Variants in THSD7A observed in about 807,000 individuals in gnomAD.
THSD7A encodes thrombospondin type-1 domain-containing protein 7A.
THSD7A carries 96 observed loss-of-function variants against 231.3 expected under a neutral mutation model. That is an observed-to-expected ratio of 0.41 (90% CI 0.35 to 0.49). The LOEUF is 0.49. Ranked by LOEUF, THSD7A falls within the 20% of genes least tolerant of loss-of-function variation. The pLI is 0.05. For missense variants in THSD7A, 2,290 were observed against 2,070.2 expected (o/e 1.11, Z -2.06); for synonymous variants, 940 against 743.3 (o/e 1.26, Z -4.30).
intron 6 of THSD7A, among the ~76,000 whole-genome samples, chr7:11,483,493 A>T (rs1210051294): frequency 6.6e-6 from 1 of 152,184 alleles, no homozygotes; most frequent in African/African-American, 2.4e-5. Flanking sequence ...GAGCTCTCAA[A>T]TTTTGTTTTT....
chr7:11,742,896 G>T (rs1013975879), intron 1 of THSD7A, among the ~76,000 whole-genome samples: 32 of 151,734 alleles, frequency 2.1e-4, no homozygotes, highest in African/African-American at 7.0e-4. Flanking sequence ...TGTTCATTGA[G>T]GTTTACAATA....
chr7:11,606,844 A>C (rs1780749300), intron 2 of THSD7A, among the ~76,000 whole-genome samples: 1 of 152,070 alleles, frequency 6.6e-6, no homozygotes, highest in South Asian at 2.1e-4. Flanking sequence ...GATTTATTTA[A>C]TTAGATAATT....
At chr7:11,547,897 A>G (rs1789464483) in intron 4 of THSD7A, among the ~76,000 whole-genome samples, 1 of 152,186 alleles carries the variant, frequency 6.6e-6, no homozygotes, top group South Asian at 2.1e-4. Context: ...AAATGCTCAC[A>G]TCAAAAAATT....
chr7:11,501,676 G>A (rs1415182491), intron 6 of THSD7A, among the ~76,000 whole-genome samples: 1 of 152,132 alleles, frequency 6.6e-6, no homozygotes, highest in Non-Finnish European at 1.5e-5. Context: ...ACATCAAAAA[G>A]TTAGGAAGAA....
intron 13 of THSD7A, among the ~76,000 whole-genome samples, chr7:11,443,390 CTT>C (rs1317371495): frequency 1.3e-5 from 2 of 151,932 alleles, no homozygotes; most frequent in Admixed American, 6.6e-5. Context: ...ATTTATAACA[CTT>C]ATGTTATTTC....
intron 1 of THSD7A, among the ~76,000 whole-genome samples, chr7:11,680,644 C>A (rs1035779703): frequency 6.6e-6 from 1 of 152,132 alleles, no homozygotes; most frequent in African/African-American, 2.4e-5. Context: ...ATCAAAATCA[C>A]AATGAGATAC....
intron 1 of THSD7A, among the ~76,000 whole-genome samples, chr7:11,717,141 G>C (rs1256925199): frequency 6.7e-6 from 1 of 149,058 alleles, no homozygotes. Flanking sequence ...TTGACTTTAT[G>C]TACTGAGATC....
chr7:11,469,386 A>G (rs534873422), intron 9 of THSD7A, among the ~76,000 whole-genome samples: 1 of 152,290 alleles, frequency 6.6e-6, no homozygotes, highest in East Asian at 1.9e-4. Flanking sequence ...AAATATTCAT[A>G]AATTCCTCAT....
intron 1 of THSD7A, among the ~76,000 whole-genome samples, chr7:11,801,178 G>A (rs1412193494): frequency 6.6e-6 from 1 of 151,992 alleles, no homozygotes; most frequent in Non-Finnish European, 1.5e-5. Context: ...TGTATTAAAT[G>A]TGTGCCATTT....
intron 1 of THSD7A, among the ~76,000 whole-genome samples, chr7:11,745,858 T>C (rs181058027): frequency 5.0e-3 from 762 of 152,234 alleles, no homozygotes; most frequent in Admixed American, 6.6e-3. Flanking sequence ...CCTTCTAGTA[T>C]AGTTTGAAGT....
At chr7:11,591,958 G>T (rs1281483280) in intron 3 of THSD7A, among the ~76,000 whole-genome samples, 1 of 152,130 alleles carries the variant, frequency 6.6e-6, no homozygotes, top group Non-Finnish European at 1.5e-5. Context: ...CCCCAAAAAG[G>T]GCATGGAGAA....
intron 1 of THSD7A, among the ~76,000 whole-genome samples, chr7:11,830,466 G>A (rs945498014): frequency 1.3e-5 from 2 of 152,144 alleles, no homozygotes; most frequent in African/African-American, 4.8e-5. Flanking sequence ...TCAAATCTTC[G>A]TTTCAAATTG....
intron 1 of THSD7A, among the ~76,000 whole-genome samples, chr7:11,778,149 T>C (rs1218709949): frequency 7.6e-4 from 36 of 47,478 alleles, no homozygotes; most frequent in African/African-American, 2.9e-3. Context: ...AGAGCGAGAC[T>C]CCGTCTCAAA....
intron 1 of THSD7A, among the ~76,000 whole-genome samples, chr7:11,785,644 C>T (rs1347472044): frequency 2.0e-5 from 3 of 152,076 alleles, no homozygotes; most frequent in Non-Finnish European, 4.4e-5. Flanking sequence ...CCCTTGTATG[C>T]TTTTCTTTCC....
intron 1 of THSD7A, among the ~76,000 whole-genome samples, chr7:11,822,082 G>T (rs760158272): frequency 2.4e-4 from 37 of 151,980 alleles, no homozygotes; most frequent in Non-Finnish European, 4.9e-4. Context: ...GGGTACATGC[G>T]CAATTTTGTT....
At position 11,817,749 on chromosome 7, in the gene THSD7A, TATC is replaced by T. The variant is rs1012454092; in HGVS notation, c.190+14005_190+14007del. 1.1e-3 allele frequency among the ~76,000 whole-genome samples: 172 copies of T among 152,294 alleles called. 1 individual carries two copies. Among genetic ancestry groups the T allele is most frequent in the African/African-American group, 4.0e-3 (165 of 41,560 alleles). On this transcript the variant is annotated intron_variant, in intron 1 of 27. Transcript: ENST00000423059. ...AATAATCTGTAGAGGTAGTTACTAA[TATC>T]ATATCACATGGTATAGCTACAAAAT...
At chr7:11,465,298 A>T (rs996419678) in intron 9 of THSD7A, among the ~76,000 whole-genome samples, 1 of 152,152 alleles carries the variant, frequency 6.6e-6, no homozygotes, top group African/African-American at 2.4e-5. Flanking sequence ...GATTAATAAA[A>T]ATAAGCTATC....
At chr7:11,506,742 T>C (rs1205064418) in intron 6 of THSD7A, among the ~76,000 whole-genome samples, 2 of 152,192 alleles carry the variant, frequency 1.3e-5, no homozygotes, top group Non-Finnish European at 2.9e-5. Flanking sequence ...GTTCTAACAC[T>C]TTCCTCTCTG....
intron 2 of THSD7A, among the ~76,000 whole-genome samples, chr7:11,598,536 A>G (rs908397604): frequency 3.3e-5 from 5 of 152,190 alleles, no homozygotes; most frequent in African/African-American, 1.2e-4. Context: ...TGACCTGGCT[A>G]TGGCCACTGC....
Sources: gnomAD v4.1 joint callset for allele counts (sites outside exome capture counted in the v4.1 genomes callset) on GRCh38, gnomAD v4.1.1 for gene constraint, MANE v1.5 for transcripts, NCBI Gene and HGNC (gene_info 2026-07-23, HGNC 2026-07-21) for gene names.